Variants in GOLM2 observed in about 807,000 individuals in gnomAD.
GOLM2 encodes the protein golgi membrane protein 2, also known as protein GOLM2.
GOLM2 carries 26 observed loss-of-function variants against 55.9 expected under a neutral mutation model. The ratio of observed to expected loss-of-function variants is 0.47; its 90% CI spans 0.34 to 0.65. GOLM2 has a LOEUF of 0.65. Ranked by LOEUF, GOLM2 falls within the 30% of genes least tolerant of loss-of-function variation. GOLM2 has a pLI of 0.01. For synonymous variants in GOLM2, 165 were observed against 194.6 expected (o/e 0.85, Z 1.27); for missense variants, 486 against 531.8 (o/e 0.91, Z 0.85).
At chr15:44,362,366 A>G (rs2079247366) in intron 6 of GOLM2, among the ~76,000 whole-genome samples, 1 of 151,912 alleles carries the variant, frequency 6.6e-6, no homozygotes. Context: ...AAATCAATGT[A>G]CAAAAATCAC....
intron 8 of GOLM2, among the ~76,000 whole-genome samples, chr15:44,398,100 T>C (rs890400482): frequency 6.6e-6 from 1 of 152,236 alleles, no homozygotes; most frequent in Admixed American, 6.5e-5. Flanking sequence ...AAAAGAAATC[T>C]TGACTACTGG....
chr15:44,401,340 C>T (rs1178162089), intron 8 of GOLM2, among the ~76,000 whole-genome samples: 1 of 152,062 alleles, frequency 6.6e-6, no homozygotes, highest in Non-Finnish European at 1.5e-5. Context: ...TCCTAACTCA[C>T]TGTAGCCTTG....
chr15:44,411,925 T>C (rs919336466), intron 9 of GOLM2, among the ~76,000 whole-genome samples: 4 of 152,032 alleles, frequency 2.6e-5, no homozygotes, highest in African/African-American at 9.7e-5. Context: ...ATTTTAATAC[T>C]CTTGGCTGAG....
chr15:44,408,813 A>T (rs1177057574), intron 9 of GOLM2, among the ~76,000 whole-genome samples: 4 of 152,136 alleles, frequency 2.6e-5, no homozygotes, highest in Non-Finnish European at 5.9e-5. Flanking sequence ...TACAAAAAAA[A>T]TTCAGCCCGG....
At chr15:44,386,231 T>G (rs754737532) in intron 8 of GOLM2, among the ~76,000 whole-genome samples, 15 of 152,200 alleles carry the variant, frequency 9.9e-5, no homozygotes, top group Non-Finnish European at 1.8e-4. Context: ...AGGTAAGGTC[T>G]AACATAATCC....
intron 2 of GOLM2, among the ~76,000 whole-genome samples, chr15:44,327,051 A>G (rs1283448410): frequency 6.6e-6 from 1 of 151,458 alleles, no homozygotes; most frequent in African/African-American, 2.4e-5. Flanking sequence ...TCTGAGTTCA[A>G]GTGATTCTCT....
chr15:44,345,654 T>G (rs1218631768), intron 6 of GOLM2, among the ~76,000 whole-genome samples: 1 of 152,180 alleles, frequency 6.6e-6, no homozygotes, highest in East Asian at 1.9e-4. Context: ...CGTATTTCTT[T>G]CTTGGAAACT....
At chr15:44,405,937 A>C (rs1012496674) in intron 9 of GOLM2, among the ~76,000 whole-genome samples, 1 of 151,974 alleles carries the variant, frequency 6.6e-6, no homozygotes, top group Non-Finnish European at 1.5e-5. Flanking sequence ...GGGATTCTTT[A>C]GGTATATTAT....
chr15:44,305,883 T>C (rs2078833567), intron 1 of GOLM2, among the ~76,000 whole-genome samples: 2 of 152,174 alleles, frequency 1.3e-5, no homozygotes, highest in African/African-American at 4.8e-5. Context: ...TTTTTTTAAG[T>C]AGTATATCTC....
In GOLM2 at chr15:44,300,673, C is replaced by T. The variant is rs576593450; in HGVS notation, c.327+11317C>T. ...ACAGGGAGTACCTTTTGACTTATGA[C>T]CTCATTAAACAGGAGGAACTAGTCC... is the stretch of plus-strand genomic sequence containing the variant. On this transcript the variant is annotated intron_variant, in intron 1 of 9. Transcript: ENST00000299957. Among the ~76,000 whole-genome samples, 13 of 152,266 alleles carry T rather than the reference C, an allele frequency of 8.5e-5. No individual in the cohort carries two copies. The East Asian group carries it at 2.5e-3, about 29-fold the overall frequency.
At chr15:44,304,652 C>A (rs1034153876) in intron 1 of GOLM2, among the ~76,000 whole-genome samples, 2 of 152,146 alleles carry the variant, frequency 1.3e-5, no homozygotes, top group African/African-American at 4.8e-5. Context: ...CTCCTGGGGT[C>A]AAGCAATTCT....
Position 44,294,771 on chromosome 15 carries a change from G to T in GOLM2, c.327+5415G>T, listed in dbSNP as rs369027263. ...AAAACAAAAATTAACCGGGCATGGT[G>T]GGGGGCGCCTGTAATCCCAGCTACT... On this transcript the variant is annotated intron_variant, in intron 1 of 9. Transcript: ENST00000299957. 5.9e-4 allele frequency among the ~76,000 whole-genome samples: 89 copies of T among 151,284 alleles called. 1 individual carries two copies. The highest frequency in any genetic ancestry group is 2.0e-3 in the African/African-American group (84 of 41,212).
At position 44,357,273 on chromosome 15, in the gene GOLM2, A is replaced by G. The variant is rs77933364; in HGVS notation, c.802+18956A>G. 1.5e-3 allele frequency among the ~76,000 whole-genome samples: 227 copies of G among 152,328 alleles called. 2 individuals are homozygous for G. In the East Asian group the frequency reaches 0.04, roughly 27 times the overall value. On this transcript the variant is annotated intron_variant, in intron 6 of 9. Transcript: ENST00000299957. ...TAATATTAAAAAATCAAGTAACATA[A>G]TTCATCGTATTAGCAGGCTAAAAAA...
chr15:44,338,315 C>G lies in GOLM2; in HGVS notation c.800C>G (p.Pro267Arg). Residue 267 changes from proline to arginine, a missense_variant and splice_region_variant, in exon 6 of 10, where the codon CCT (proline) becomes CGT (arginine). Transcript: ENST00000299957. ...NDLAKVDDLPPALRKPPISVS... is the reference protein window; with the variant it reads ...NDLAKVDDLPRALRKPPISVS... ...CTAGCAAAAGTTGATGATCTTCCCC[C>G]TGGTAAGTAAAAATTGTTAGAGAAT... 6.2e-7 allele frequency: 1 copy of G among 1,610,508 alleles called. No homozygotes were observed. Among genetic ancestry groups the G allele is most frequent in the South Asian group, 1.1e-5 (1 of 90,956 alleles).
intron 1 of GOLM2, among the ~76,000 whole-genome samples, chr15:44,290,323 C>T (rs1211867495): frequency 6.6e-6 from 1 of 152,174 alleles, no homozygotes; most frequent in African/African-American, 2.4e-5. Context: ...CTATACACTT[C>T]TTTGGTAATC....
intron 1 of GOLM2, among the ~76,000 whole-genome samples, chr15:44,320,520 G>A (rs1002333908): frequency 9.9e-5 from 15 of 152,004 alleles, no homozygotes; most frequent in African/African-American, 3.6e-4. Context: ...GGCCAGGCTG[G>A]TCTTGAACTG....
chr15:44,392,067 C>T (rs1338320155), intron 8 of GOLM2, among the ~76,000 whole-genome samples: 1 of 151,874 alleles, frequency 6.6e-6, no homozygotes, highest in Admixed American at 6.6e-5. Flanking sequence ...TCAGGCTGGT[C>T]TTGAACTCCC....
chr15:44,332,120 T>G, intron 4 of GOLM2, 42 bp downstream of exon 4: 1 of 945,158 alleles, frequency 1.1e-6, no homozygotes, highest in Non-Finnish European at 1.6e-6. Flanking sequence ...ATTTTTATTA[T>G]AAATCATGGT....
intron 1 of GOLM2, among the ~76,000 whole-genome samples, chr15:44,313,505 ACT>A (rs1555421605): frequency 2.6e-5 from 4 of 151,868 alleles, no homozygotes; most frequent in Non-Finnish European, 5.9e-5. Flanking sequence ...TTCTCATTCT[ACT>A]CTCTTACTAC....
Sources: allele counts gnomAD v4.1 joint callset (sites outside exome capture counted in the v4.1 genomes callset), GRCh38; gene constraint gnomAD v4.1.1; transcripts MANE v1.5; gene names NCBI Gene and HGNC (gene_info 2026-07-23, HGNC 2026-07-21).